Variants in IKZF1 observed in about 807,000 individuals in gnomAD.
The protein encoded by IKZF1 is IKAROS family zinc finger 1, also known as DNA-binding protein Ikaros.
In IKZF1, 10 loss-of-function variants were observed where a neutral mutation model predicts 51.7. The ratio of observed to expected loss-of-function variants is 0.19; its 90% CI spans 0.12 to 0.33. IKZF1 has a LOEUF of 0.33. Ranked by LOEUF, IKZF1 falls within the 10% of genes least tolerant of loss-of-function variation. IKZF1 has a pLI of 1.00. For synonymous variants in IKZF1, 280 were observed against 282.3 expected, an observed-to-expected ratio of 0.99 and a Z score of 0.08; for missense variants, 484 against 707.5, an observed-to-expected ratio of 0.68 and a Z score of 3.58.
At chr7:50,306,984 A>C (rs181556696) in intron 1 of IKZF1, among the ~76,000 whole-genome samples, 2 of 152,272 alleles carry the variant, frequency 1.3e-5, no homozygotes, top group African/African-American at 4.8e-5. Flanking sequence ...ATATGCACAT[A>C]TGCACACAGA....
intron 2 of IKZF1, among the ~76,000 whole-genome samples, chr7:50,324,141 G>A (rs1794201541): frequency 6.6e-6 from 1 of 152,172 alleles, no homozygotes; most frequent in South Asian, 2.1e-4. Flanking sequence ...AGGCAAATTG[G>A]TTTAAAATCA....
At chr7:50,340,307 C>T (rs1452122465) in intron 3 of IKZF1, among the ~76,000 whole-genome samples, 1 of 152,240 alleles carries the variant, frequency 6.6e-6, no homozygotes, top group Admixed American at 6.5e-5. Context: ...TGTGTCTCCG[C>T]AAGGCCTGCT....
chr7:50,340,752 T>G (rs1369634965), intron 3 of IKZF1, among the ~76,000 whole-genome samples: 3 of 152,210 alleles, frequency 2.0e-5, no homozygotes, highest in Non-Finnish European at 4.4e-5. Context: ...TTAGTGACAA[T>G]TAACTATTAC....
intron 3 of IKZF1, among the ~76,000 whole-genome samples, chr7:50,357,252 G>A (rs2153439821): frequency 6.6e-6 from 1 of 152,026 alleles, no homozygotes; most frequent in Admixed American, 6.5e-5. Flanking sequence ...CCTGTTGCCT[G>A]GGGACTTCAT....
intron 3 of IKZF1, chr7:50,328,270 C>T (rs1795593056): frequency 6.6e-6 from 1 of 152,370 alleles, no homozygotes; most frequent in South Asian, 2.1e-4. Flanking sequence ...CACACATTTA[C>T]ATACCTTTTC....
chr7:50,305,838 C>T (rs972605339), intron 1 of IKZF1, among the ~76,000 whole-genome samples: 1 of 152,016 alleles, frequency 6.6e-6, no homozygotes, highest in Non-Finnish European at 1.5e-5. Context: ...GAAAATACTG[C>T]GTATGATATT....
intron 5 of IKZF1, 112 bp downstream of exon 5, chr7:50,382,819 C>T (rs1177808723): frequency 7.6e-7 from 1 of 1,322,954 alleles, no homozygotes; most frequent in East Asian, 2.5e-5. Flanking sequence ...TCCCTCCCAG[C>T]TCGCAGTCCT....
chr7:50,391,917 A>G (rs1006434120), intron 7 of IKZF1, 54 bp downstream of exon 7: 2 of 1,561,138 alleles, frequency 1.3e-6, no homozygotes, highest in Non-Finnish European at 1.7e-6. Context: ...GGTGTTTTAG[A>G]TGCAAGTAGA....
intron 5 of IKZF1, among the ~76,000 whole-genome samples, chr7:50,384,296 A>T (rs906304323): frequency 6.6e-5 from 10 of 152,154 alleles, no homozygotes; most frequent in African/African-American, 2.4e-4. Context: ...CAAAAAGGAG[A>T]GGAGTCACAG....
At chr7:50,330,807 G>A (rs1175752462) in intron 3 of IKZF1, among the ~76,000 whole-genome samples, 7 of 152,184 alleles carry the variant, frequency 4.6e-5, no homozygotes, top group Non-Finnish European at 2.9e-5. Context: ...TGTAAGGAGT[G>A]CACAGCAGGA....
intron 3 of IKZF1, among the ~76,000 whole-genome samples, chr7:50,373,692 C>A (rs1809393931): frequency 6.6e-6 from 1 of 152,198 alleles, no homozygotes; most frequent in Admixed American, 6.5e-5. Context: ...GTACACAGAT[C>A]TTTGCAGCCT....
chr7:50,327,335 A>G (rs1189183370), intron 2 of IKZF1: 3 of 210,568 alleles, frequency 1.4e-5, no homozygotes, highest in African/African-American at 2.3e-5. Flanking sequence ...TTCATTTTGA[A>G]AAACAAAATA....
At chr7:50,364,816 A>G (rs1806357648) in intron 3 of IKZF1, among the ~76,000 whole-genome samples, 1 of 152,200 alleles carries the variant, frequency 6.6e-6, no homozygotes, top group South Asian at 2.1e-4. Flanking sequence ...GACTTTGTTC[A>G]GTCCCTACCC....
chr7:50,360,901 C>T (rs1387149526), intron 3 of IKZF1, among the ~76,000 whole-genome samples: 3 of 152,254 alleles, frequency 2.0e-5, no homozygotes, highest in African/African-American at 7.2e-5. Context: ...CACCCCAAGC[C>T]CCTCCTGCCC....
Position 50,400,554 on chromosome 7 carries a change from G to A in IKZF1, c.1487G>A (p.Gly496Asp), listed in dbSNP as rs2153519808. ...FRDPFECNMC[G>D]YHSQDRYEFS... is the part of the protein sequence containing the mutation. Reference sequence around the variant, plus strand: ...GATCCTTTTGAGTGCAACATGTGCGGCTACCACAGCCAGGACCGGTACGAG... The same window carrying A: ...GATCCTTTTGAGTGCAACATGTGCGACTACCACAGCCAGGACCGGTACGAG... The change falls in exon 8 of 8, where the codon GGC becomes GAC. Residue 496 changes from glycine to aspartate, a missense_variant. Physicochemically the swap from Gly to Asp is moderately conservative, Grantham distance 94. Around this residue, in one of 6 missense-constraint regions of IKZF1, gnomAD observed 42 missense variants for 84.4 expected, o/e 0.50. Transcript: ENST00000331340. The surrounding 1 kb of genome is among the most constrained non-coding windows in gnomAD (Gnocchi z 5.4). 6.2e-7 allele frequency: 1 copy of A among 1,613,944 alleles called. No individual in the cohort carries two copies. The highest frequency in any genetic ancestry group is 8.5e-7 in the Non-Finnish European group (1 of 1,179,930).
chr7:50,325,286 A>C (rs1482753639), intron 2 of IKZF1, among the ~76,000 whole-genome samples: 3 of 151,200 alleles, frequency 2.0e-5, no homozygotes, highest in Non-Finnish European at 4.4e-5. Context: ...ACCAAAAAAA[A>C]AAAAAAAAAA....
intron 3 of IKZF1, among the ~76,000 whole-genome samples, chr7:50,345,760 C>T (rs1401302247): frequency 6.6e-6 from 1 of 152,162 alleles, no homozygotes; most frequent in Non-Finnish European, 1.5e-5. Context: ...GCAATTCTGC[C>T]TGGTTTGTGG....
intron 2 of IKZF1, among the ~76,000 whole-genome samples, chr7:50,323,115 A>G (rs1562734883): frequency 6.6e-6 from 1 of 152,248 alleles, no homozygotes; most frequent in Non-Finnish European, 1.5e-5. Flanking sequence ...AGTAAATCAC[A>G]TTGATTAAAT....
intron 3 of IKZF1, among the ~76,000 whole-genome samples, chr7:50,372,609 T>C (rs1809042234): frequency 6.6e-6 from 1 of 152,258 alleles, no homozygotes; most frequent in Non-Finnish European, 1.5e-5. Flanking sequence ...GCATACTCTT[T>C]TTTAGAAACC....
Sources: gnomAD v4.1 joint callset for allele counts (sites outside exome capture counted in the v4.1 genomes callset) on GRCh38, gnomAD v4.1.1 for gene constraint, gnomAD v4.1.1 regional missense constraint, Gnocchi (gnomAD v3.1) non-coding constraint, MANE v1.5 for transcripts, NCBI Gene and HGNC (gene_info 2026-07-23, HGNC 2026-07-21) for gene names.